The following GABRR2 variants were observed in gnomAD, a reference collection of about 807,000 sequenced individuals.
GABRR2 encodes the protein gamma-aminobutyric acid receptor subunit rho-2.
Under a neutral mutation model 47.0 loss-of-function variants are expected in GABRR2, and 36 were observed. The observed-to-expected ratio is 0.77, with a 90% CI of 0.59 to 1.01. GABRR2 has a LOEUF of 1.01. GABRR2 is among the 50% of genes least tolerant of loss of function. The pLI is 0.00. For missense variants in GABRR2, 587 were observed against 594.6 expected (o/e 0.99, Z 0.13); for synonymous variants, 204 against 227.5 (o/e 0.90, Z 0.93).
chr6:89,271,660 C>A lies in GABRR2; in HGVS notation c.283G>T (p.Asp95Tyr). ...CACTGGAGGCCGCTGCATACCATGT[C>A]CACCTCGGAGATGCTGTCCAGGCTC... ...VESLDSISEV[D>Y]MDFTMTLYLR... Residue 95 changes from aspartate (D) to tyrosine (Y), a missense_variant, in exon 3 of 9, where the codon GAC becomes TAC. Physicochemically the swap from Asp to Tyr is radical, Grantham distance 160. Coordinates refer to ENST00000402938, the MANE Select transcript of GABRR2 (RefSeq NM_002043.5). 3 of 1,611,210 alleles carry A rather than the reference C, an allele frequency of 1.9e-6. No individual in the cohort carries two copies. Among genetic ancestry groups the A allele is most frequent in the South Asian group, 2.2e-5 (2 of 90,318 alleles).
intron 1 of GABRR2, among the ~76,000 whole-genome samples, chr6:89,305,279 C>T (rs868647661): frequency 2.6e-5 from 4 of 152,100 alleles, no homozygotes; most frequent in Admixed American, 6.5e-5. Context: ...CACTTGAACC[C>T]GAGAGGTGGA....
In GABRR2 at chr6:89,257,620, C is replaced by A; in HGVS notation, c.*50G>T. 1 of 1,463,520 alleles carries A rather than the reference C, an allele frequency of 6.8e-7. No individual in the cohort carries two copies. Among genetic ancestry groups the A allele is most frequent in the South Asian group, 1.3e-5 (1 of 76,884 alleles). The allele number at this position is 1,463,520 out of a possible 1,614,324, so 90.7% of individuals were successfully genotyped here. A position where few individuals can be genotyped will look rare whatever the true frequency, so the allele number is the denominator to read the frequency against. ...AACAAGTCCGTCTGTCAATGACTGGCCAGGCCCCCTCGATGTCTATGCCCT... is the reference window on the plus strand; with the variant it reads ...AACAAGTCCGTCTGTCAATGACTGGACAGGCCCCCTCGATGTCTATGCCCT... On this transcript the variant is annotated 3_prime_UTR_variant, in exon 9 of 9. Transcript: ENST00000402938.
intron 2 of GABRR2, among the ~76,000 whole-genome samples, chr6:89,280,547 T>C (rs1464117024): frequency 6.6e-6 from 1 of 152,060 alleles, no homozygotes; most frequent in Non-Finnish European, 1.5e-5. Flanking sequence ...CATGCCAGCT[T>C]ACTGCCCGCT....
intron 2 of GABRR2, among the ~76,000 whole-genome samples, chr6:89,297,198 T>A (rs1005155079): frequency 6.6e-6 from 1 of 152,254 alleles, no homozygotes; most frequent in Non-Finnish European, 1.5e-5. Flanking sequence ...GTTGGTTTAA[T>A]GATGAACATA....
Position 89,302,708 on chromosome 6 carries a change from C to A in GABRR2, c.114-2843G>T, listed in dbSNP as rs1040352165. On this transcript the variant is annotated intron_variant, in intron 1 of 8. Coordinates refer to ENST00000402938, the MANE Select transcript of GABRR2 (RefSeq NM_002043.5). ...ACGGCTGCTACCTGGCAGTGGCCAC[C>A]GTGTTCCGGGGCTGCCTGTCCATGA... 1.0e-5 allele frequency: 14 copies of A among 1,354,410 alleles called. No individual in the cohort carries two copies. In the African/African-American group the frequency reaches 2.1e-4, roughly 20 times the overall value. 83.9% of individuals were successfully genotyped at this position (1,354,410 alleles called of 1,614,324 possible). A position where few individuals can be genotyped will look rare whatever the true frequency, so the allele number is the denominator to read the frequency against.
At chr6:89,289,014 T>C (rs1774389706) in intron 2 of GABRR2, among the ~76,000 whole-genome samples, 1 of 151,948 alleles carries the variant, frequency 6.6e-6, no homozygotes, top group African/African-American at 2.4e-5. Context: ...ATCAATGATG[T>C]CAAAGGAAAA....
intron 2 of GABRR2, among the ~76,000 whole-genome samples, chr6:89,273,987 C>T (rs1342407379): frequency 6.6e-6 from 1 of 152,202 alleles, no homozygotes; most frequent in African/African-American, 2.4e-5. Context: ...GTTCTAGTGG[C>T]CTGGTTTTCA....
intron 2 of GABRR2, among the ~76,000 whole-genome samples, chr6:89,273,592 G>T (rs2127836319): frequency 6.6e-6 from 1 of 152,292 alleles, no homozygotes; most frequent in East Asian, 1.9e-4. Flanking sequence ...AAATGGGATG[G>T]TCCCTGTGGG....
At chr6:89,284,212 C>A (rs1774297681) in intron 2 of GABRR2, among the ~76,000 whole-genome samples, 1 of 152,106 alleles carries the variant, frequency 6.6e-6, no homozygotes, top group South Asian at 2.1e-4. Flanking sequence ...CTTCTGGGAG[C>A]TGGAAAGTTC....
intron 1 of GABRR2, among the ~76,000 whole-genome samples, chr6:89,314,335 C>T (rs1171087309): frequency 6.6e-6 from 1 of 152,142 alleles, no homozygotes; most frequent in African/African-American, 2.4e-5. Context: ...TCTAACAGTC[C>T]TTATGTCTAC....
chr6:89,304,421 C>T (rs567053396), intron 1 of GABRR2, among the ~76,000 whole-genome samples: 32 of 151,862 alleles, frequency 2.1e-4, no homozygotes, highest in African/African-American at 6.0e-4. Context: ...GATGAAACCC[C>T]GTCTCTACTA....
intron 8 of GABRR2, among the ~76,000 whole-genome samples, chr6:89,262,633 T>C (rs1773775223): frequency 6.6e-6 from 1 of 152,238 alleles, no homozygotes; most frequent in South Asian, 2.1e-4. Context: ...AGACAATTTT[T>C]GAAAAGGCAA....
chr6:89,267,617 G>C (rs1444406754), intron 6 of GABRR2, 62 bp downstream of exon 6: 8 of 1,489,446 alleles, frequency 5.4e-6, no homozygotes, highest in Non-Finnish European at 7.3e-6. Context: ...GGTTAAGGCT[G>C]AAGAAGAATT....
At chr6:89,260,898 T>G (rs1773729892) in intron 8 of GABRR2, among the ~76,000 whole-genome samples, 1 of 152,230 alleles carries the variant, frequency 6.6e-6, no homozygotes, top group East Asian at 1.9e-4. Flanking sequence ...AGGCAGCAGA[T>G]GGTGCCTTCT....
intron 1 of GABRR2, among the ~76,000 whole-genome samples, chr6:89,312,738 T>A (rs543133698): frequency 1.1e-4 from 16 of 152,372 alleles, no homozygotes; most frequent in African/African-American, 3.4e-4. Flanking sequence ...CTGTTGACTG[T>A]CTGACTGTGT....
chr6:89,277,875 G>GA (rs1554197117), intron 2 of GABRR2, among the ~76,000 whole-genome samples: 1 of 134,534 alleles, frequency 7.4e-6, no homozygotes, highest in African/African-American at 2.7e-5. Flanking sequence ...GGGTGGGGGG[G>GA]GGTGGGGGCT....
At chr6:89,304,598 A>G (rs917887550) in intron 1 of GABRR2, among the ~76,000 whole-genome samples, 2 of 135,766 alleles carry the variant, frequency 1.5e-5, no homozygotes, top group Admixed American at 1.5e-4. Flanking sequence ...CAAAAAAAAG[A>G]AAAAAAAAAA....
chr6:89,267,746 G>A lies in GABRR2; in HGVS notation c.669C>T (p.Ile223=), dbSNP rs758117718. ...TCTGAATCAGAAACTGAGACAAGGA[G>A]ATCTTCTCATCTGTTTTTAGGGATT... ...GDESLKTDEK[I]SLSQFLIQKF... The change falls in exon 6 of 9, where the codon ATC becomes ATT. Residue 223 remains isoleucine, a synonymous_variant. Coordinates refer to ENST00000402938, the MANE Select transcript of GABRR2 (RefSeq NM_002043.5). 7.4e-6 allele frequency: 12 copies of A among 1,613,820 alleles called. No individual in the cohort carries two copies. Among genetic ancestry groups the A allele is most frequent in the Non-Finnish European group, 7.6e-6 (9 of 1,179,808 alleles).
chr6:89,310,168 T>G (rs1293846475), intron 1 of GABRR2, among the ~76,000 whole-genome samples: 1 of 151,976 alleles, frequency 6.6e-6, no homozygotes, highest in Non-Finnish European at 1.5e-5. Flanking sequence ...TCCTCACTGT[T>G]CCACCTAAAA....
Sources: allele counts gnomAD v4.1 joint callset (sites outside exome capture counted in the v4.1 genomes callset), GRCh38; gene constraint gnomAD v4.1.1; transcripts MANE v1.5; gene names NCBI Gene and HGNC (gene_info 2026-07-23, HGNC 2026-07-21).